PREX2: variants seen among roughly 807,000 people sequenced by gnomAD.
The protein encoded by PREX2 is phosphatidylinositol-3,4,5-trisphosphate dependent Rac exchange factor 2, also known as phosphatidylinositol 3,4,5-trisphosphate-dependent Rac exchanger 2 protein.
Under a neutral mutation model 203.2 loss-of-function variants are expected in PREX2, and 107 were observed. That is an observed-to-expected ratio of 0.53 (90% CI 0.45 to 0.62). The LOEUF is 0.62. PREX2 is among the 20% of genes least tolerant of loss of function. PREX2 has a pLI of 0.00. For missense variants in PREX2, 1,777 were observed against 1,955.9 expected, an observed-to-expected ratio of 0.91 and a Z score of 1.72; for synonymous variants, 672 against 663.6, an observed-to-expected ratio of 1.01 and a Z score of -0.19.
intron 1 of PREX2, among the ~76,000 whole-genome samples, chr8:67,959,475 T>G (rs922388863): frequency 1.3e-5 from 2 of 152,024 alleles, no homozygotes; most frequent in Non-Finnish European, 2.9e-5. Context: ...GTAAGGCAGA[T>G]GAGCCTAGCC....
intron 4 of PREX2, 129 bp from the exon 5 acceptor site, chr8:68,027,093 G>A: frequency 1.5e-6 from 1 of 689,292 alleles, no homozygotes; most frequent in Non-Finnish European, 2.6e-6. Flanking sequence ...GACTGAATAT[G>A]CTCTTCTTAG....
At chr8:68,070,873 C>T (rs1372882979) in intron 13 of PREX2, among the ~76,000 whole-genome samples, 2 of 152,078 alleles carry the variant, frequency 1.3e-5, no homozygotes, top group African/African-American at 4.8e-5. Context: ...ATCTTACCCA[C>T]AATCCTGAAA....
At chr8:68,036,953 G>T (rs1376880428) in intron 6 of PREX2, among the ~76,000 whole-genome samples, 1 of 151,868 alleles carries the variant, frequency 6.6e-6, no homozygotes, top group Admixed American at 6.6e-5. Context: ...AAAAAAAGAA[G>T]AAATAATAAA....
chr8:68,161,244 G>A (rs1811647878), intron 35 of PREX2, among the ~76,000 whole-genome samples: 1 of 151,826 alleles, frequency 6.6e-6, no homozygotes, highest in African/African-American at 2.4e-5. Flanking sequence ...ACAGGCACTT[G>A]CCACCACGCC....
At chr8:68,032,457 A>G (rs1339177723) in intron 6 of PREX2, among the ~76,000 whole-genome samples, 1 of 152,296 alleles carries the variant, frequency 6.6e-6, no homozygotes, top group East Asian at 1.9e-4. Flanking sequence ...ACAGCCATAC[A>G]GAGATTGGGA....
chr8:68,058,250 T>C (rs1451726960), intron 10 of PREX2, among the ~76,000 whole-genome samples: 3 of 152,204 alleles, frequency 2.0e-5, no homozygotes, highest in African/African-American at 4.8e-5. Context: ...CTTTCCCTCA[T>C]TGTAATATGA....
intron 1 of PREX2, among the ~76,000 whole-genome samples, chr8:68,009,558 T>G (rs1174354801): frequency 6.6e-6 from 1 of 152,176 alleles, no homozygotes; most frequent in African/African-American, 2.4e-5. Context: ...CTGAACTGCA[T>G]TTAGAAATCC....
intron 17 of PREX2, 22 bp from the exon 18 acceptor site, chr8:68,083,218 T>A (rs763026302): frequency 6.5e-7 from 1 of 1,542,124 alleles, no homozygotes; most frequent in South Asian, 1.2e-5. Flanking sequence ...CTTTGACTTA[T>A]TTTTTGTAAT....
intron 6 of PREX2, among the ~76,000 whole-genome samples, chr8:68,033,947 C>A (rs1304040005): frequency 6.6e-6 from 1 of 152,130 alleles, no homozygotes; most frequent in African/African-American, 2.4e-5. Context: ...CAACATTTAG[C>A]TGAAAACATT....
chr8:68,075,344 C>T (rs1466450157), intron 14 of PREX2, among the ~76,000 whole-genome samples: 1 of 152,158 alleles, frequency 6.6e-6, no homozygotes, highest in Non-Finnish European at 1.5e-5. Flanking sequence ...GCTTAATGTT[C>T]AAGCAAGTGC....
chr8:68,061,191 C>T (rs13257993), intron 11 of PREX2, among the ~76,000 whole-genome samples: 45,236 of 151,978 alleles, frequency 0.3, 6,885 homozygotes, highest in Admixed American at 0.32. Context: ...CACTCCGGCA[C>T]GGTGGCGGGT....
intron 6 of PREX2, among the ~76,000 whole-genome samples, chr8:68,036,556 T>C (rs1808037725): frequency 6.6e-6 from 1 of 152,180 alleles, no homozygotes; most frequent in Admixed American, 6.5e-5. Flanking sequence ...TTAATACCAC[T>C]TTGCTTAATG....
intron 31 of PREX2, among the ~76,000 whole-genome samples, chr8:68,133,285 T>C (rs950877837): frequency 1.3e-5 from 2 of 152,164 alleles, no homozygotes; most frequent in African/African-American, 4.8e-5. Context: ...GCCCGGTCTC[T>C]TCCTCAACAC....
intron 1 of PREX2, among the ~76,000 whole-genome samples, chr8:68,011,104 G>T (rs1360745999): frequency 1.3e-5 from 2 of 152,148 alleles, no homozygotes; most frequent in Non-Finnish European, 2.9e-5. Flanking sequence ...TCTAACAAAA[G>T]ATATCACTTC....
At chr8:68,065,533 G>T (rs1041483662) in intron 11 of PREX2, among the ~76,000 whole-genome samples, 1 of 152,116 alleles carries the variant, frequency 6.6e-6, no homozygotes, top group African/African-American at 2.4e-5. Context: ...TGGGGTAAAA[G>T]AGCTGAAACT....
At chr8:68,214,352 A>G (rs1812794605) in intron 37 of PREX2, among the ~76,000 whole-genome samples, 1 of 152,172 alleles carries the variant, frequency 6.6e-6, no homozygotes, top group South Asian at 2.1e-4. Context: ...GCGAGTTGGG[A>G]TGGCGCCACT....
At chr8:68,060,618 T>C (rs1180144159) in intron 10 of PREX2, 61 bp from the exon 11 acceptor site, 1 of 1,097,888 alleles carries the variant, frequency 9.1e-7, no homozygotes, top group Non-Finnish European at 1.4e-6. Context: ...CTGGATGGTA[T>C]AGAAAGACTT....
intron 14 of PREX2, 83 bp from the exon 15 acceptor site, chr8:68,077,314 G>A: frequency 2.2e-6 from 2 of 916,422 alleles, no homozygotes; most frequent in Non-Finnish European, 3.7e-6. Flanking sequence ...TCTGAATTTG[G>A]TGCTGGGAAT....
At chr8:68,120,121 T>C (rs1810739379) in intron 28 of PREX2, 75 bp from the exon 29 acceptor site, 1 of 967,576 alleles carries the variant, frequency 1.0e-6, no homozygotes, top group Non-Finnish European at 1.6e-6. Context: ...AAAAATATTT[T>C]ATAAGATTTA....
Sources: gnomAD v4.1 joint callset for allele counts (sites outside exome capture counted in the v4.1 genomes callset) on GRCh38, gnomAD v4.1.1 for gene constraint, MANE v1.5 for transcripts, NCBI Gene and HGNC (gene_info 2026-07-23, HGNC 2026-07-21) for gene names.